Variants in KCNAB1 observed in about 807,000 individuals in gnomAD.
KCNAB1 encodes potassium voltage-gated channel subfamily A regulatory beta subunit 1.
Under a neutral mutation model 64.6 loss-of-function variants are expected in KCNAB1, and 35 were observed. That is an observed-to-expected ratio of 0.54 (90% CI 0.41 to 0.72). The LOEUF (loss-of-function observed/expected upper bound fraction) is 0.72. KCNAB1 is among the 30% of genes least tolerant of loss of function. The pLI, the probability that KCNAB1 is intolerant of heterozygous loss-of-function variation, is 0.00. For synonymous variants in KCNAB1, 177 were observed against 183.8 expected, an observed-to-expected ratio of 0.96 and a Z score of 0.30; for missense variants, 401 against 512.9, an observed-to-expected ratio of 0.78 and a Z score of 2.11.
At chr3:156,216,948 A>G (rs1477567952) in intron 1 of KCNAB1, 1 of 152,206 alleles carries the variant, frequency 6.6e-6, no homozygotes, top group Non-Finnish European at 1.5e-5. Context: ...GGAGGAACAA[A>G]TGCTTATTTG....
At chr3:156,255,556 C>T (rs1718056065) in intron 1 of KCNAB1, among the ~76,000 whole-genome samples, 1 of 152,170 alleles carries the variant, frequency 6.6e-6, no homozygotes. Context: ...CTCTCTTTTA[C>T]CACTCCCTCG....
At chr3:156,168,980 A>G (rs1711784051) in intron 1 of KCNAB1, among the ~76,000 whole-genome samples, 2 of 151,194 alleles carry the variant, frequency 1.3e-5, no homozygotes, top group Admixed American at 6.6e-5. Context: ...TTTCTTTTCC[A>G]GTAGAAATAA....
At chr3:156,234,583 G>T (rs998323417) in intron 1 of KCNAB1, among the ~76,000 whole-genome samples, 1 of 152,096 alleles carries the variant, frequency 6.6e-6, no homozygotes, top group African/African-American at 2.4e-5. Flanking sequence ...TGGGTTGGGG[G>T]GGTGTCCTGA....
chr3:156,465,552 AG>A, intron 6 of KCNAB1, 90 bp from the exon 7 acceptor site: 5 of 1,133,652 alleles, frequency 4.4e-6, no homozygotes, highest in African/African-American at 1.5e-5. Flanking sequence ...TGATAAGAAC[AG>A]GGTGCAAAAT....
In KCNAB1 at chr3:156,418,933, T is replaced by C. The variant is rs141790865; in HGVS notation, c.276-2683T>C. On this transcript the variant is annotated intron_variant, in intron 1 of 13. Transcript: ENST00000490337. Reference sequence around the variant, plus strand: ...AGCAGTATTAGTCTGTAACTGAACTTTTCTTACATTTTAAAATCTTGTAAG... The same window carrying C: ...AGCAGTATTAGTCTGTAACTGAACTCTTCTTACATTTTAAAATCTTGTAAG... Among the ~76,000 whole-genome samples the C allele has an allele frequency of 2.6e-4, 40 of 152,330 alleles. No individual in the cohort carries two copies. The East Asian group carries it at 7.5e-3, about 29-fold the overall frequency.
intron 1 of KCNAB1, among the ~76,000 whole-genome samples, chr3:156,355,218 A>G (rs9872444): frequency 0.12 from 18,636 of 152,270 alleles, 3,061 homozygotes; most frequent in African/African-American, 0.38. Context: ...AGAAACAAAT[A>G]CAGATTGGAA....
intron 1 of KCNAB1, among the ~76,000 whole-genome samples, chr3:156,312,571 G>T (rs929021444): frequency 2.6e-5 from 4 of 151,918 alleles, no homozygotes; most frequent in African/African-American, 9.7e-5. Flanking sequence ...AATTAGCTGG[G>T]TGTGGTGGTG....
At chr3:156,232,469 T>C (rs1325456602) in intron 1 of KCNAB1, among the ~76,000 whole-genome samples, 1 of 152,228 alleles carries the variant, frequency 6.6e-6, no homozygotes, top group East Asian at 1.9e-4. Context: ...GGCAGGCCAA[T>C]TAGTTTCTTG....
intron 1 of KCNAB1, among the ~76,000 whole-genome samples, chr3:156,150,742 T>C (rs1715355288): frequency 6.6e-6 from 1 of 152,184 alleles, no homozygotes; most frequent in South Asian, 2.1e-4. Flanking sequence ...ATTCAGACAG[T>C]CCTAGACTCG....
intron 1 of KCNAB1, among the ~76,000 whole-genome samples, chr3:156,372,157 A>G (rs936552318): frequency 1.3e-5 from 2 of 152,234 alleles, no homozygotes; most frequent in South Asian, 4.1e-4. Context: ...TGGATACAAC[A>G]TACTGTGCAA....
chr3:156,385,775 C>G (rs10513487), intron 1 of KCNAB1, among the ~76,000 whole-genome samples: 45,025 of 151,986 alleles, frequency 0.3, 9,218 homozygotes, highest in African/African-American at 0.59. Context: ...CAGTGATTTC[C>G]CTGTGATTAG....
intron 1 of KCNAB1, among the ~76,000 whole-genome samples, chr3:156,166,526 T>TACACAC (rs1553811797): frequency 7.0e-6 from 1 of 143,620 alleles, no homozygotes; most frequent in African/African-American, 2.6e-5. Flanking sequence ...AAAAAATACA[T>TACACAC]ATATACACAC....
At position 156,351,412 on chromosome 3, in the gene KCNAB1, G is replaced by A. The variant is rs141329219; in HGVS notation, c.276-70204G>A. Among the ~76,000 whole-genome samples the A allele has an allele frequency of 7.8e-3, 1,185 of 152,368 alleles. 11 individuals carry two copies. Among genetic ancestry groups the A allele is most frequent in the African/African-American group, 0.027 (1,129 of 41,588 alleles). ...GCTCTCTCTTCCCACTGCCTGGCAC[G>A]CTGGGCTCCACCCAGTCTTTCAGCA... On this transcript the variant is annotated intron_variant, in intron 1 of 13. Transcript: ENST00000490337.
intron 1 of KCNAB1, among the ~76,000 whole-genome samples, chr3:156,393,888 G>C (rs1312124847): frequency 6.6e-6 from 1 of 152,210 alleles, no homozygotes; most frequent in Non-Finnish European, 1.5e-5. Context: ...GCACCAGGAA[G>C]AAGATGCTAA....
At chr3:156,150,669 G>A (rs1715350310) in intron 1 of KCNAB1, among the ~76,000 whole-genome samples, 1 of 152,304 alleles carries the variant, frequency 6.6e-6, no homozygotes, top group South Asian at 2.1e-4. Context: ...CCACTGGGAT[G>A]TGCTATTTCA....
intron 2 of KCNAB1, among the ~76,000 whole-genome samples, chr3:156,428,661 T>C (rs1716001873): frequency 6.6e-6 from 1 of 152,116 alleles, no homozygotes; most frequent in Admixed American, 6.5e-5. Context: ...TAGGAAGATA[T>C]GGAAAACCTA....
At chr3:156,145,780 G>T (rs1337650207) in intron 1 of KCNAB1, among the ~76,000 whole-genome samples, 1 of 152,146 alleles carries the variant, frequency 6.6e-6, no homozygotes, top group Non-Finnish European at 1.5e-5. Flanking sequence ...TACAGTAGGT[G>T]CTCACTGGGA....
intron 1 of KCNAB1, among the ~76,000 whole-genome samples, chr3:156,248,504 C>G (rs1717604085): frequency 2.1e-5 from 3 of 141,088 alleles, no homozygotes; most frequent in Non-Finnish European, 4.5e-5. Context: ...GTAACAGACC[C>G]CTCTGTTTCT....
chr3:156,536,571 T>G, intron 13 of KCNAB1, 87 bp from the exon 14 acceptor site: 1 of 881,202 alleles, frequency 1.1e-6, no homozygotes, highest in Admixed American at 1.7e-5. Context: ...TATATGATTC[T>G]AGATTACTTT....
Sources: allele counts gnomAD v4.1 joint callset (sites outside exome capture counted in the v4.1 genomes callset), GRCh38; gene constraint gnomAD v4.1.1; transcripts MANE v1.5; gene names NCBI Gene and HGNC (gene_info 2026-07-23, HGNC 2026-07-21).